The following STAU2 variants were observed in gnomAD, a reference collection of about 807,000 sequenced individuals.
The protein encoded by STAU2 is staufen double-stranded RNA binding protein 2, also known as double-stranded RNA-binding protein Staufen homolog 2.
A neutral mutation model predicts 65.9 loss-of-function variants in STAU2; 20 were observed. That is an observed-to-expected ratio of 0.30 (90% CI 0.21 to 0.44). STAU2 has a LOEUF of 0.44. STAU2 is among the 20% of genes least tolerant of loss of function. The pLI, the probability that STAU2 is intolerant of heterozygous loss-of-function variation, is 1.00. For missense variants in STAU2, 558 were observed against 683.9 expected (o/e 0.82, Z 2.05); for synonymous variants, 232 against 233.9 (o/e 0.99, Z 0.07).
intron 3 of STAU2, among the ~76,000 whole-genome samples, chr8:73,720,966 A>ATCCT: frequency 6.6e-6 from 1 of 151,684 alleles, no homozygotes; most frequent in Non-Finnish European, 1.5e-5. Flanking sequence ...AATGACTTGA[A>ATCCT]TCCTTTTGAA....
upstream of STAU2, chr8:73,746,922 G>C: frequency 2.1e-6 from 2 of 969,796 alleles, no homozygotes; most frequent in Non-Finnish European, 2.5e-6. Context: ...CCTCCCCGGC[G>C]CTCCCGCCGC....
rs201053323 is a variant in STAU2, at chr8:73,486,642, AAT to A, written c.1531-63942_1531-63941del. Among the ~76,000 whole-genome samples, 26 of 133,122 alleles carry A rather than the reference AAT, an allele frequency of 2.0e-4. 1 individual carries two copies. Among genetic ancestry groups the A allele is most frequent in the Admixed American group, 2.9e-4 (4 of 13,700 alleles). 87.3% of individuals were successfully genotyped at this position (133,122 alleles called of 152,430 possible). A position where few individuals can be genotyped will look rare whatever the true frequency, so the allele number is the denominator to read the frequency against. On this transcript the variant is annotated intron_variant, in intron 13 of 14. Transcript: ENST00000524300. ...ATATATATATACACATTTATAAGTA[AAT>A]ATATATATATATATTTTTTTTTTTT...
At chr8:73,569,676 C>G (rs1808891545) in intron 12 of STAU2, among the ~76,000 whole-genome samples, 1 of 152,238 alleles carries the variant, frequency 6.6e-6, no homozygotes, top group African/African-American at 2.4e-5. Flanking sequence ...GCAGCCTCCA[C>G]TGGTGATACC....
chr8:73,516,462 G>A (rs1054236715), intron 13 of STAU2, among the ~76,000 whole-genome samples: 26 of 151,846 alleles, frequency 1.7e-4, no homozygotes, highest in African/African-American at 6.1e-4. Flanking sequence ...TTCCATCAGA[G>A]GATGCAAACG....
chr8:73,446,863 A>G (rs1818496132), intron 13 of STAU2, among the ~76,000 whole-genome samples: 1 of 152,198 alleles, frequency 6.6e-6, no homozygotes, highest in African/African-American at 2.4e-5. Flanking sequence ...TCACCCTTCA[A>G]TCAACTCCAA....
chr8:73,667,812 T>C (rs1356263653), intron 6 of STAU2, among the ~76,000 whole-genome samples: 1 of 152,200 alleles, frequency 6.6e-6, no homozygotes, highest in Non-Finnish European at 1.5e-5. Flanking sequence ...GCTATTACTA[T>C]CTCTGTTTTG....
At chr8:73,506,423 T>C (rs1822069651) in intron 13 of STAU2, among the ~76,000 whole-genome samples, 1 of 152,156 alleles carries the variant, frequency 6.6e-6, no homozygotes, top group South Asian at 2.1e-4. Flanking sequence ...ACACAACTTT[T>C]TTTGTTTCCC....
intron 12 of STAU2, among the ~76,000 whole-genome samples, chr8:73,559,657 A>G (rs1311107414): frequency 6.6e-6 from 1 of 152,174 alleles, no homozygotes; most frequent in Non-Finnish European, 1.5e-5. Flanking sequence ...AAGGTCAGGG[A>G]CAGGTGGAAT....
At chr8:73,696,444 G>A (rs911163728) in intron 4 of STAU2, among the ~76,000 whole-genome samples, 2 of 152,210 alleles carry the variant, frequency 1.3e-5, no homozygotes, top group Non-Finnish European at 2.9e-5. Flanking sequence ...CTTTCAGGCA[G>A]AGAATTCAAA....
chr8:73,699,033 G>A (rs1389179272), intron 4 of STAU2, among the ~76,000 whole-genome samples: 12 of 150,862 alleles, frequency 8.0e-5, no homozygotes, highest in Admixed American at 7.9e-4. Context: ...TCAATAACAA[G>A]AGGAATTTTG....
At chr8:73,627,267 G>A (rs190332131) in intron 6 of STAU2, among the ~76,000 whole-genome samples, 1 of 120,576 alleles carries the variant, frequency 8.3e-6, no homozygotes, top group Non-Finnish European at 1.7e-5. Flanking sequence ...TATTTCTCAA[G>A]TGGGTCCCAC....
At chr8:73,469,165 T>A (rs1268834139) in intron 13 of STAU2, among the ~76,000 whole-genome samples, 1 of 152,176 alleles carries the variant, frequency 6.6e-6, no homozygotes, top group Non-Finnish European at 1.5e-5. Flanking sequence ...GGGACATAGA[T>A]GAAGCTAGAA....
In STAU2 at chr8:73,467,122, C is replaced by T. The variant is rs1819700994; in HGVS notation, c.1531-44420G>A. Reference sequence around the variant, plus strand: ...TGACATCTTCCATTTACAAGTCTATCTCTGCCACTGGACTCAGGGCAGAAG... The same window carrying T: ...TGACATCTTCCATTTACAAGTCTATTTCTGCCACTGGACTCAGGGCAGAAG... On this transcript the variant is annotated intron_variant, in intron 13 of 14. Transcript: ENST00000524300. Among the ~76,000 whole-genome samples the T allele has an allele frequency of 2.0e-5, 3 of 152,268 alleles. No homozygotes were observed. In the South Asian group the frequency reaches 6.2e-4, roughly 32 times the overall value.
intron 9 of STAU2, among the ~76,000 whole-genome samples, chr8:73,608,694 T>C (rs1483213164): frequency 1.3e-5 from 2 of 149,214 alleles, no homozygotes; most frequent in Admixed American, 1.3e-4. Context: ...ACGTAAGGGG[T>C]AAGAGAGAAG....
At chr8:73,541,937 T>C (rs1806572096) in intron 13 of STAU2, among the ~76,000 whole-genome samples, 2 of 152,016 alleles carry the variant, frequency 1.3e-5, no homozygotes, top group African/African-American at 4.8e-5. Flanking sequence ...CTCTGAAGCC[T>C]GTGGGAGAAT....
At chr8:73,571,608 C>A (rs1463710111) in intron 12 of STAU2, among the ~76,000 whole-genome samples, 1 of 152,220 alleles carries the variant, frequency 6.6e-6, no homozygotes, top group Non-Finnish European at 1.5e-5. Flanking sequence ...CAAAACCACA[C>A]AACTACATGG....
chr8:73,617,828 T>C (rs1458061741), intron 6 of STAU2, among the ~76,000 whole-genome samples: 3 of 152,192 alleles, frequency 2.0e-5, no homozygotes, highest in Non-Finnish European at 4.4e-5. Flanking sequence ...ACATGTAGAT[T>C]ACCGTGCTTT....
intron 13 of STAU2, among the ~76,000 whole-genome samples, chr8:73,469,623 G>A (rs1265413936): frequency 1.3e-5 from 2 of 152,020 alleles, no homozygotes; most frequent in African/African-American, 4.8e-5. Context: ...GACAGGTTGG[G>A]GGTTAATGCT....
chr8:73,686,258 C>CA (rs982621268), intron 5 of STAU2, among the ~76,000 whole-genome samples: 2 of 151,670 alleles, frequency 1.3e-5, no homozygotes, highest in Admixed American at 6.6e-5. Flanking sequence ...ACTAAAAATA[C>CA]AAAAAAATTA....
Sources: allele counts gnomAD v4.1 joint callset (sites outside exome capture counted in the v4.1 genomes callset), GRCh38; gene constraint gnomAD v4.1.1; transcripts MANE v1.5; gene names NCBI Gene and HGNC (gene_info 2026-07-23, HGNC 2026-07-21).